RBFOX1: variants seen among roughly 807,000 people sequenced by gnomAD.
RBFOX1 encodes RNA binding fox-1 homolog 1.
In RBFOX1, 8 loss-of-function variants were observed where a neutral mutation model predicts 57.7. The ratio of observed to expected loss-of-function variants is 0.14; its 90% CI spans 0.08 to 0.25. The LOEUF (loss-of-function observed/expected upper bound fraction) is 0.25. RBFOX1 is among the 10% of genes least tolerant of loss of function. The pLI, the probability that RBFOX1 is intolerant of heterozygous loss-of-function variation, is 1.00. For synonymous variants in RBFOX1, 326 were observed against 222.4 expected (o/e 1.47, Z -4.15); for missense variants, 611 against 548.5 (o/e 1.11, Z -1.14).
rs554854543 is a variant in RBFOX1, at chr16:7,035,519, A to G, written c.-15-16538A>G. The stretch of plus-strand genomic sequence containing the variant: ...CGCATTTGCAGAATTTAATTGCAAT[A>G]TTTTCCCACTCAGTTTCTTTCTGAA... On this transcript the variant is annotated intron_variant, in intron 3 of 15. Transcript: ENST00000550418. 1.4e-4 allele frequency among the ~76,000 whole-genome samples: 21 copies of G among 152,254 alleles called. No homozygotes were observed. The South Asian group carries it at 4.4e-3, about 32-fold the overall frequency.
At chr16:5,319,315 A>G (rs2064334234) in intron 1 of RBFOX1, among the ~76,000 whole-genome samples, 1 of 152,190 alleles carries the variant, frequency 6.6e-6, no homozygotes, top group African/African-American at 2.4e-5. Flanking sequence ...ACTAGGAGCC[A>G]AGCATTCACT....
intron 3 of RBFOX1, among the ~76,000 whole-genome samples, chr16:6,978,522 A>T (rs1487479642): frequency 3.3e-5 from 5 of 152,150 alleles, no homozygotes; most frequent in African/African-American, 1.2e-4. Context: ...AGGGAAGCTG[A>T]GGTTCATAGA....
At chr16:5,846,537 G>A (rs549250123) in intron 3 of RBFOX1, among the ~76,000 whole-genome samples, 4 of 152,282 alleles carry the variant, frequency 2.6e-5, no homozygotes, top group East Asian at 1.9e-4. Context: ...GTAGATGGAG[G>A]AATGGAGGCT....
At chr16:6,195,818 C>T (rs967141591) in intron 1 of RBFOX1, among the ~76,000 whole-genome samples, 28 of 151,876 alleles carry the variant, frequency 1.8e-4, no homozygotes, top group African/African-American at 5.3e-4. Context: ...CTTTGAGTCA[C>T]GGAAGCAGTA....
chr16:6,332,650 G>T (rs1055088570), intron 2 of RBFOX1, among the ~76,000 whole-genome samples: 5 of 152,106 alleles, frequency 3.3e-5, no homozygotes, highest in Admixed American at 2.0e-4. Context: ...TCTGGTCAAG[G>T]CTTGTGAGGC....
chr16:6,988,506 A>T (rs2090774648), intron 3 of RBFOX1, among the ~76,000 whole-genome samples: 1 of 152,048 alleles, frequency 6.6e-6, no homozygotes, highest in African/African-American at 2.4e-5. Context: ...ATATATTTTT[A>T]AAATTAGTCT....
chr16:6,706,526 G>A (rs2062774932), intron 3 of RBFOX1, among the ~76,000 whole-genome samples: 1 of 152,126 alleles, frequency 6.6e-6, no homozygotes, highest in Admixed American at 6.5e-5. Flanking sequence ...CGTGTTAATT[G>A]TATCTTTCTG....
chr16:6,755,652 T>G (rs11862425), intron 3 of RBFOX1, among the ~76,000 whole-genome samples: 33,329 of 152,110 alleles, frequency 0.22, 3,825 homozygotes, highest in East Asian at 0.35. Flanking sequence ...AGAACTTTAG[T>G]AAAAACAACT....
At chr16:6,278,792 A>C (rs932794332) in intron 1 of RBFOX1, among the ~76,000 whole-genome samples, 2 of 152,184 alleles carry the variant, frequency 1.3e-5, no homozygotes, top group African/African-American at 4.8e-5. Context: ...GAAATAAAAT[A>C]GAAACTCGAT....
At chr16:6,971,611 T>C (rs1213364181) in intron 3 of RBFOX1, among the ~76,000 whole-genome samples, 5 of 152,068 alleles carry the variant, frequency 3.3e-5, no homozygotes, top group Admixed American at 2.0e-4. Flanking sequence ...GAATATGGTG[T>C]ACTGATTGGG....
At chr16:5,833,984 C>T (rs918906770) in intron 3 of RBFOX1, among the ~76,000 whole-genome samples, 1 of 152,174 alleles carries the variant, frequency 6.6e-6, no homozygotes, top group Non-Finnish European at 1.5e-5. Flanking sequence ...TTGACCTGAG[C>T]CCCCTGCAAA....
intron 1 of RBFOX1, among the ~76,000 whole-genome samples, chr16:6,257,410 T>A (rs1040785358): frequency 2.0e-4 from 31 of 152,128 alleles, no homozygotes; most frequent in African/African-American, 7.5e-4. Flanking sequence ...TGATGTTGAA[T>A]TTCTTCTTCT....
chr16:7,188,782 G>T (rs1415681465), intron 4 of RBFOX1, among the ~76,000 whole-genome samples: 1 of 152,154 alleles, frequency 6.6e-6, no homozygotes, highest in Admixed American at 6.5e-5. Flanking sequence ...CGCAAGAGCT[G>T]GTATAGGGCA....
chr16:6,809,807 C>T (rs1444820193), intron 3 of RBFOX1, among the ~76,000 whole-genome samples: 1 of 152,140 alleles, frequency 6.6e-6, no homozygotes, highest in Non-Finnish European at 1.5e-5. Flanking sequence ...TGCCAAAAAT[C>T]TTATTCCAAT....
At chr16:6,818,498 G>C (rs2090602197) in intron 3 of RBFOX1, among the ~76,000 whole-genome samples, 1 of 152,160 alleles carries the variant, frequency 6.6e-6, no homozygotes, top group African/African-American at 2.4e-5. Flanking sequence ...AGTGAGGTTT[G>C]TTATGTAGTT....
intron 3 of RBFOX1, among the ~76,000 whole-genome samples, chr16:6,919,340 A>C (rs1016119833): frequency 2.0e-5 from 3 of 152,046 alleles, no homozygotes; most frequent in Admixed American, 2.0e-4. Context: ...ACATGTATTA[A>C]TTTCTCCAAA....
chr16:5,717,815 G>A (rs2051771023), intron 3 of RBFOX1, among the ~76,000 whole-genome samples: 4 of 152,232 alleles, frequency 2.6e-5, no homozygotes, highest in Admixed American at 6.5e-5. Context: ...CGATTTATTC[G>A]ATCCTCACAA....
intron 2 of RBFOX1, among the ~76,000 whole-genome samples, chr16:6,600,837 T>C (rs767044400): frequency 6.6e-6 from 1 of 152,160 alleles, no homozygotes; most frequent in Non-Finnish European, 1.5e-5. Flanking sequence ...AAAATCCCTT[T>C]AGAGGAACGT....
intron 1 of RBFOX1, among the ~76,000 whole-genome samples, chr16:6,041,961 G>A (rs1282645086): frequency 6.6e-6 from 1 of 152,094 alleles, no homozygotes; most frequent in Admixed American, 6.6e-5. Flanking sequence ...GAGGCCCTAG[G>A]AAAGAATCCC....
Sources: gnomAD v4.1 joint callset for allele counts (sites outside exome capture counted in the v4.1 genomes callset) on GRCh38, gnomAD v4.1.1 for gene constraint, MANE v1.5 for transcripts, NCBI Gene and HGNC (gene_info 2026-07-23, HGNC 2026-07-21) for gene names.